NUMB: variants seen among roughly 807,000 people sequenced by gnomAD.
NUMB encodes the protein protein numb homolog.
A neutral mutation model predicts 59.7 loss-of-function variants in NUMB; 29 were observed. The ratio of observed to expected loss-of-function variants is 0.49; its 90% CI spans 0.36 to 0.66. NUMB has a LOEUF of 0.66. NUMB is among the 30% of genes least tolerant of loss of function. The probability of loss-of-function intolerance (pLI) is 0.00; values close to 1 mark genes in which losing one functional copy is unlikely to be tolerated. For missense variants in NUMB, 723 were observed against 822.0 expected, an observed-to-expected ratio of 0.88 and a Z score of 1.47; for synonymous variants, 288 against 288.2, an observed-to-expected ratio of 1.00 and a Z score of 0.01.
chr14:73,389,295 AAAAAC>A (rs1895725328), intron 2 of NUMB, among the ~76,000 whole-genome samples: 28 of 30,272 alleles, frequency 9.2e-4, no homozygotes, highest in East Asian at 6.9e-3. Flanking sequence ...AAAAAAAAAC[AAAAAC>A]AAAAACACTG....
At chr14:73,371,494 C>T (rs1894670061) in intron 2 of NUMB, among the ~76,000 whole-genome samples, 2 of 151,672 alleles carry the variant, frequency 1.3e-5, no homozygotes, top group South Asian at 4.2e-4. Flanking sequence ...GAGATTGCGC[C>T]ACTGCACTCC....
chr14:73,314,892 A>AT (rs1181435077), intron 6 of NUMB, among the ~76,000 whole-genome samples: 1 of 152,128 alleles, frequency 6.6e-6, no homozygotes, highest in Non-Finnish European at 1.5e-5. Flanking sequence ...GTCCTTAACA[A>AT]TTATCAATTT....
chr14:73,423,018 ATTC>A (rs1897423103), intron 1 of NUMB, among the ~76,000 whole-genome samples: 1 of 152,104 alleles, frequency 6.6e-6, no homozygotes, highest in Non-Finnish European at 1.5e-5. Context: ...AGATGTCATT[ATTC>A]TTTTCATATT....
At chr14:73,374,536 A>C (rs1245317555) in intron 2 of NUMB, among the ~76,000 whole-genome samples, 1 of 152,050 alleles carries the variant, frequency 6.6e-6, no homozygotes, top group Non-Finnish European at 1.5e-5. Context: ...CTTCTATTTC[A>C]TAAGTAATTG....
In NUMB at chr14:73,355,608, A is replaced by G. The variant is rs763657685; in HGVS notation, c.126+18T>C. 12 of 1,606,086 alleles carry G rather than the reference A, an allele frequency of 7.5e-6. No individual in the cohort carries two copies. In the African/African-American group the frequency reaches 8.1e-5, roughly 11 times the overall value. ...AGTTCTTTTCCACATACAGACTTATAGAAACATCAGCTCTTACCTTAACCG... is the reference window on the plus strand; with the variant it reads ...AGTTCTTTTCCACATACAGACTTATGGAAACATCAGCTCTTACCTTAACCG... On this transcript the variant is annotated intron_variant, in intron 4 of 12. Transcript: ENST00000555238.
chr14:73,394,240 C>T (rs1049495764), intron 2 of NUMB, among the ~76,000 whole-genome samples: 7 of 151,956 alleles, frequency 4.6e-5, no homozygotes, highest in Admixed American at 2.0e-4. Flanking sequence ...CACTGCATCC[C>T]GGGAGACAAA....
At chr14:73,306,466 T>TC (rs1273490857) in intron 6 of NUMB, among the ~76,000 whole-genome samples, 1 of 152,216 alleles carries the variant, frequency 6.6e-6, no homozygotes, top group Non-Finnish European at 1.5e-5. Context: ...AACCCCTTGG[T>TC]CATCCATGAA....
At chr14:73,386,913 C>G (rs1041058706) in intron 2 of NUMB, among the ~76,000 whole-genome samples, 1 of 114,400 alleles carries the variant, frequency 8.7e-6, no homozygotes, top group Non-Finnish European at 1.7e-5. Flanking sequence ...CGGAGTCTCG[C>G]TCTGTCGCCC....
intron 1 of NUMB, chr14:73,457,882 C>A: frequency 6.6e-6 from 1 of 152,670 alleles, no homozygotes; most frequent in Non-Finnish European, 1.5e-5. Context: ...CAACCCCCTC[C>A]GAGCGTTTCC....
chr14:73,394,425 AG>A (rs1594984496), intron 2 of NUMB, among the ~76,000 whole-genome samples: 1 of 144,384 alleles, frequency 6.9e-6, no homozygotes, highest in East Asian at 2.1e-4. Context: ...AAAAAAAAAG[AG>A]AGAGAGATTG....
At chr14:73,408,527 T>C (rs1022332276) in intron 2 of NUMB, among the ~76,000 whole-genome samples, 1 of 151,984 alleles carries the variant, frequency 6.6e-6, no homozygotes, top group Non-Finnish European at 1.5e-5. Flanking sequence ...TTTCATCTTG[T>C]TTATAAACTT....
intron 4 of NUMB, among the ~76,000 whole-genome samples, chr14:73,337,121 G>C (rs1400612143): frequency 2.6e-5 from 4 of 151,080 alleles, no homozygotes; most frequent in Non-Finnish European, 5.9e-5. Flanking sequence ...CTCAAAAAAA[G>C]CAAGACTCTG....
At chr14:73,440,192 TA>T (rs1882923063) in intron 1 of NUMB, among the ~76,000 whole-genome samples, 1 of 41,302 alleles carries the variant, frequency 2.4e-5, no homozygotes, top group Non-Finnish European at 5.7e-5. Flanking sequence ...GACAACTAGA[TA>T]TCCATATATA....
intron 2 of NUMB, among the ~76,000 whole-genome samples, chr14:73,391,222 A>G (rs1895837173): frequency 6.6e-6 from 1 of 151,474 alleles, no homozygotes; most frequent in African/African-American, 2.4e-5. Context: ...GTGCATAAAC[A>G]TATTTGGTCT....
chr14:73,416,332 C>CTTTTTT (rs3028740), intron 1 of NUMB, among the ~76,000 whole-genome samples: 1 of 141,312 alleles, frequency 7.1e-6, no homozygotes, highest in Non-Finnish European at 1.5e-5. Flanking sequence ...TTTTTCTTTT[C>CTTTTTT]TTTTTTTTTT....
At chr14:73,399,055 T>C (rs1266423714) in intron 2 of NUMB, among the ~76,000 whole-genome samples, 2 of 152,228 alleles carry the variant, frequency 1.3e-5, no homozygotes, top group Non-Finnish European at 2.9e-5. Flanking sequence ...CAGTCAGTTG[T>C]TGTAAACTAG....
intron 1 of NUMB, among the ~76,000 whole-genome samples, chr14:73,429,957 A>G (rs1897754145): frequency 6.6e-6 from 1 of 151,868 alleles, no homozygotes; most frequent in African/African-American, 2.4e-5. Context: ...AAAAAAAAAA[A>G]GGCATTAAAA....
At chr14:73,287,086 T>C in intron 9 of NUMB, 24 bp downstream of exon 9, 1 of 1,607,240 alleles carries the variant, frequency 6.2e-7, no homozygotes, top group Non-Finnish European at 8.5e-7. Context: ...ATTCCATAAA[T>C]ACACACTGTA....
intron 2 of NUMB, among the ~76,000 whole-genome samples, chr14:73,373,426 C>T (rs552064836): frequency 6.6e-6 from 1 of 152,306 alleles, no homozygotes; most frequent in African/African-American, 2.4e-5. Flanking sequence ...AGATTTTGTT[C>T]ATTCAACTCA....
Sources: allele counts gnomAD v4.1 joint callset (sites outside exome capture counted in the v4.1 genomes callset), GRCh38; gene constraint gnomAD v4.1.1; transcripts MANE v1.5; gene names NCBI Gene and HGNC (gene_info 2026-07-23, HGNC 2026-07-21).